INTS3: variants seen among roughly 807,000 people sequenced by gnomAD.
INTS3 encodes integrator complex subunit 3.
Under a neutral mutation model 146.3 loss-of-function variants are expected in INTS3, and 34 were observed. That is an observed-to-expected ratio of 0.23 (90% CI 0.18 to 0.31). The LOEUF is 0.31. Among genes scored for constraint, INTS3 ranks in the 10% least tolerant of loss-of-function variants. The pLI is 1.00. For synonymous variants in INTS3, 475 were observed against 494.9 expected (o/e 0.96, Z 0.53); for missense variants, 757 against 1,304.2 (o/e 0.58, Z 6.46).
rs1308787991 is a variant in INTS3, at chr1:153,748,670, T to C, written c.518-19T>C. 1 of 1,608,894 alleles carries C rather than the reference T, an allele frequency of 6.2e-7. No homozygotes were observed. Among genetic ancestry groups the C allele is most frequent in the Non-Finnish European group, 8.5e-7 (1 of 1,175,318 alleles). On this transcript the variant is annotated intron_variant, in intron 5 of 29. Transcript: ENST00000318967. Reference sequence around the variant, plus strand: ...ACTTGCTAATCGGAGCTATTCTTTTTTTCCCCTTTTGAAATCAGGTGGAGA... The same window carrying C: ...ACTTGCTAATCGGAGCTATTCTTTTCTTCCCCTTTTGAAATCAGGTGGAGA...
At chr1:153,767,486 A>C in intron 20 of INTS3, 188 bp from the exon 21 acceptor site, 1 of 495,718 alleles carries the variant, frequency 2.0e-6, no homozygotes. Context: ...ATGGACAGAA[A>C]GAAGAGTATC....
rs1456572975 is a variant in INTS3 at position 153,760,837 on chromosome 1, A to G, written c.1328A>G (p.Asn443Ser). 1.9e-6 allele frequency: 3 copies of G among 1,613,600 alleles called. No individual in the cohort carries two copies. Among genetic ancestry groups the G allele is most frequent in the Admixed American group, 1.7e-5 (1 of 60,006 alleles). Residue 443 changes from asparagine (N) to serine (S), a missense_variant, in exon 13 of 30, where the codon AAC becomes AGC. Transcript: ENST00000318967. ...CTTCTTCGCTTCCAGATCATTCCCAACTTCTATCCACCATTGGAGGGCCAC... is the reference window on the plus strand; with the variant it reads ...CTTCTTCGCTTCCAGATCATTCCCAGCTTCTATCCACCATTGGAGGGCCAC... ...LLDFMCRIIP[N>S]FYPPLEGHVR...
chr1:153,728,842 C>T (rs950435700), intron 1 of INTS3, 58 bp downstream of exon 1: 2 of 298,016 alleles, frequency 6.7e-6, no homozygotes, highest in African/African-American at 4.5e-5. Context: ...GATACTGGAG[C>T]GGATACCGGG....
At chr1:153,734,394 A>G (rs1671209367) in intron 1 of INTS3, among the ~76,000 whole-genome samples, 1 of 152,150 alleles carries the variant, frequency 6.6e-6, no homozygotes, top group Non-Finnish European at 1.5e-5. Context: ...TAGTCCAGGA[A>G]GAGTAAAGTA....
At chr1:153,761,532 A>C (rs770107012) in intron 13 of INTS3, 38 bp from the exon 14 acceptor site, 1 of 1,397,232 alleles carries the variant, frequency 7.2e-7, no homozygotes, top group African/African-American at 1.4e-5. Flanking sequence ...AAAATAAGAG[A>C]AGCTCTGATA....
Position 153,773,678 on chromosome 1 carries a change from CAG to C in INTS3, c.*409_*410del, listed in dbSNP as rs1283400829. The C allele has an allele frequency of 2.3e-5, 6 of 257,892 alleles. No individual in the cohort carries two copies. Among genetic ancestry groups the C allele is most frequent in the Non-Finnish European group, 4.9e-5 (6 of 123,178 alleles). 16.0% of individuals were successfully genotyped at this position (257,892 alleles called of 1,614,324 possible). On this transcript the variant is annotated 3_prime_UTR_variant, in exon 30 of 30. Transcript: ENST00000318967. ...ATAAGCTAGGATGAGAGCAGAGACT[CAG>C]TGTGTGGGTGTCCCTTCCTGCTTCC...
In INTS3 at chr1:153,772,774, C is replaced by T; in HGVS notation, c.2894+63C>T. 2 of 1,590,218 alleles carry T rather than the reference C, an allele frequency of 1.3e-6. No individual in the cohort carries two copies. Among genetic ancestry groups the T allele is most frequent in the East Asian group, 2.2e-5 (1 of 44,632 alleles). On this transcript the variant is annotated intron_variant, in intron 28 of 29. Transcript: ENST00000318967. This position sits in a 1 kb window ranked among gnomAD's most constrained non-coding sequence, Gnocchi z 4.6. ...GGGGAAAAGCCTAAGGGAGAGGAAG[C>T]CTGCTAGGGACATAAACGTAATGGC...
In INTS3 at chr1:153,747,041, C is replaced by G; in HGVS notation, c.403C>G (p.Leu135Val). The change falls in exon 4 of 30, where the codon CTG (leucine) becomes GTG (valine). Residue 135 changes from leucine to valine, a missense_variant. This residue lies in a region of INTS3 where 160 missense variants were observed against 193.7 expected (regional missense o/e 0.83). Coordinates refer to ENST00000318967, the MANE Select transcript of INTS3 (RefSeq NM_023015.5). Reference protein sequence around the residue: ...KINQILMEKYLKLQDTCRTQL... With the variant: ...KINQILMEKYVKLQDTCRTQL... ...CAACCAGATACTTATGGAGAAGTAC[C>G]TGAAGCTGCAGGATACCTGCCGTAC... 6.2e-7 allele frequency: 1 copy of G among 1,613,240 alleles called. No homozygotes were observed. The highest frequency in any genetic ancestry group is 8.5e-7 in the Non-Finnish European group (1 of 1,179,256).
chr1:153,763,990 C>T, intron 17 of INTS3, 104 bp downstream of exon 17: 2 of 1,302,704 alleles, frequency 1.5e-6, no homozygotes, highest in East Asian at 4.6e-5. Flanking sequence ...AGATGAGTCC[C>T]TCTTATAGTG....
Position 153,757,780 on chromosome 1 carries a change from C to T in INTS3, c.1149+17C>T, listed in dbSNP as rs1230520847. ...ACGTGCACGGTGAGGGCAAAAGATA[C>T]TGGGTGGTGAAGGGTGCCTCTTCCA... On this transcript the variant is annotated intron_variant, in intron 10 of 29. Transcript: ENST00000318967. This position sits in a 1 kb window ranked among gnomAD's most constrained non-coding sequence, Gnocchi z 4.0. 6.2e-7 allele frequency: 1 copy of T among 1,608,382 alleles called. No individual in the cohort carries two copies. The highest frequency in any genetic ancestry group is 8.5e-7 in the Non-Finnish European group (1 of 1,176,306).
chr1:153,761,633 GAA>G lies in INTS3; in HGVS notation c.1474_1475del (p.Lys492ValfsTer3). The G allele has an allele frequency of 6.2e-7, 1 of 1,614,208 alleles. No individual in the cohort carries two copies. Among genetic ancestry groups the G allele is most frequent in the Non-Finnish European group, 8.5e-7 (1 of 1,180,014 alleles). On this transcript the variant is annotated frameshift_variant, in exon 14 of 30. Coordinates refer to ENST00000318967, the MANE Select transcript of INTS3 (RefSeq NM_023015.5). LOFTEE classifies it high-confidence loss of function. ...AGGAGCTGCGGGCAATGCTGAGAGA[GAA>G]GTTTCCTGAGTTCTGCAGCTCACCC... ...DKELRAMLREKFPEFCSSPSP... is the reference protein window; with the variant it reads ...DKELRAMLREXFPEFCSSPSP...
intron 1 of INTS3, among the ~76,000 whole-genome samples, chr1:153,736,276 T>G (rs73013738): frequency 2.2e-4 from 33 of 152,250 alleles, no homozygotes; most frequent in African/African-American, 7.0e-4. Context: ...TGATATTAAG[T>G]TGTAATAAGT....
In INTS3 at chr1:153,765,166, T is replaced by C. The variant is rs902558841; in HGVS notation, c.2090+103T>C. ...CCCTGGACTGTCATCACCAGGGCCT[T>C]CTTTGTGGGTCTGTTTGGTTGAGTT... On this transcript the variant is annotated intron_variant, in intron 20 of 29. Coordinates refer to ENST00000318967, the MANE Select transcript of INTS3 (RefSeq NM_023015.5). The C allele has an allele frequency of 8.1e-6, 10 of 1,232,302 alleles. No individual in the cohort carries two copies. The African/African-American group carries it at 1.1e-4, about 13-fold the overall frequency. The allele number at this position is 1,232,302 out of a possible 1,614,324, so 76.3% of individuals were successfully genotyped here. A position where few individuals can be genotyped will look rare whatever the true frequency, so the allele number is the denominator to read the frequency against.
intron 21 of INTS3, among the ~76,000 whole-genome samples, chr1:153,768,070 T>C (rs980280838): frequency 7.9e-5 from 12 of 152,196 alleles, no homozygotes; most frequent in Non-Finnish European, 1.2e-4. Flanking sequence ...TCTGAGCCTA[T>C]ATACTTGGCT....
At chr1:153,745,166 T>C (rs1557993968) in intron 3 of INTS3, among the ~76,000 whole-genome samples, 1 of 151,062 alleles carries the variant, frequency 6.6e-6, no homozygotes, top group Non-Finnish European at 1.5e-5. Flanking sequence ...CTGTACTTTT[T>C]TTTTTTTTTT....
chr1:153,744,025 G>T (rs950687946), intron 3 of INTS3, among the ~76,000 whole-genome samples: 1 of 143,128 alleles, frequency 7.0e-6, no homozygotes, highest in Non-Finnish European at 1.5e-5. Context: ...TCCTCACTGA[G>T]GGTGTGCATG....
chr1:153,773,151 C>G, intron 29 of INTS3, 42 bp from the exon 30 acceptor site: 1 of 1,613,382 alleles, frequency 6.2e-7, no homozygotes, highest in Non-Finnish European at 8.5e-7. Flanking sequence ...CCAGCAGCTG[C>G]CCAGGCTGTT....
Position 153,751,164 on chromosome 1 carries a change from C to T in INTS3, c.654C>T (p.Asp218=). ...AVYTYLRLIV[D]HHGTAQLQAL... ...ACACGTACCTCCGCCTCATCGTGGA[C>T]CACCATGGGACTGCCCAGCTCCAGG... The change falls in exon 7 of 30, where the codon GAC becomes GAT. Residue 218 remains aspartate (D), a synonymous_variant. Coordinates refer to ENST00000318967, the MANE Select transcript of INTS3 (RefSeq NM_023015.5). 6.2e-7 allele frequency: 1 copy of T among 1,614,142 alleles called. No individual in the cohort carries two copies. The highest frequency in any genetic ancestry group is 8.5e-7 in the Non-Finnish European group (1 of 1,179,998).
At chr1:153,754,767 G>C in intron 9 of INTS3, 28 bp downstream of exon 9, 1 of 1,409,756 alleles carries the variant, frequency 7.1e-7, no homozygotes, top group Middle Eastern at 1.8e-4. Context: ...AGCAAGAGAA[G>C]AGGTCACACG....
Sources: allele counts gnomAD v4.1 joint callset (sites outside exome capture counted in the v4.1 genomes callset), GRCh38; gene constraint gnomAD v4.1.1; regional missense constraint gnomAD v4.1.1; non-coding constraint Gnocchi (gnomAD v3.1); transcripts MANE v1.5; gene names NCBI Gene and HGNC (gene_info 2026-07-23, HGNC 2026-07-21).